Variants in KMT5B observed in about 807,000 individuals in gnomAD.
KMT5B encodes histone-lysine N-methyltransferase KMT5B.
A neutral mutation model predicts 83.2 loss-of-function variants in KMT5B; 10 were observed. That is an observed-to-expected ratio of 0.12 (90% CI 0.07 to 0.20). KMT5B has a LOEUF of 0.20. Ranked by LOEUF, KMT5B falls within the 10% of genes least tolerant of loss-of-function variation. KMT5B has a pLI of 1.00. For missense variants in KMT5B, 753 were observed against 1,067.2 expected (o/e 0.71, Z 4.10); for synonymous variants, 349 against 388.8 (o/e 0.90, Z 1.20).
intron 6 of KMT5B, among the ~76,000 whole-genome samples, chr11:68,172,312 A>T (rs1297759884): frequency 6.6e-6 from 1 of 152,096 alleles, no homozygotes; most frequent in Non-Finnish European, 1.5e-5. Context: ...AGCTCACTGC[A>T]ACCTCTGCCT....
In KMT5B at chr11:68,159,164, G is replaced by C; in HGVS notation, c.1182C>G (p.Asn394Lys). The C allele has an allele frequency of 6.4e-7, 1 of 1,566,146 alleles. No individual in the cohort carries two copies. Among genetic ancestry groups the C allele is most frequent in the Non-Finnish European group, 8.6e-7 (1 of 1,164,812 alleles). Residue 394 changes from asparagine (N) to lysine (K), a missense_variant, in exon 11 of 11, where the codon AAC (asparagine) becomes AAG (lysine). Around this residue, in one of 9 missense-constraint regions of KMT5B, gnomAD observed 397 missense variants for 395.9 expected, o/e 1.00. Transcript: ENST00000304363. ...TTTTTACGCCAACTGAAGATTTTCG[G>C]TTAGAAGCTGTAAGGTTAAAGAGAA... is the stretch of plus-strand genomic sequence containing the variant. ...TTQEKNNATS[N>K]RKSSVGVKKN...
chr11:68,209,689 A>T (rs1297040661), intron 1 of KMT5B, among the ~76,000 whole-genome samples: 1 of 152,192 alleles, frequency 6.6e-6, no homozygotes, highest in East Asian at 1.9e-4. Flanking sequence ...AGGAGGCTAA[A>T]GCTCAGAAAC....
chr11:68,188,480 G>A (rs1857678232), intron 2 of KMT5B, among the ~76,000 whole-genome samples: 1 of 151,710 alleles, frequency 6.6e-6, no homozygotes, highest in Non-Finnish European at 1.5e-5. Flanking sequence ...CAAAGTAGTT[G>A]GAACCATAGA....
At chr11:68,184,596 G>C (rs1262972388) in intron 3 of KMT5B, among the ~76,000 whole-genome samples, 3 of 152,126 alleles carry the variant, frequency 2.0e-5, no homozygotes, top group Admixed American at 6.5e-5. Flanking sequence ...ACCTACCTGG[G>C]TATCAAGTTC....
intron 9 of KMT5B, among the ~76,000 whole-genome samples, chr11:68,168,551 G>A (rs1448738294): frequency 6.6e-6 from 1 of 152,140 alleles, no homozygotes; most frequent in African/African-American, 2.4e-5. Context: ...GGCCAGGCTG[G>A]TCTCGAACTC....
chr11:68,180,956 A>G (rs1856859188), intron 3 of KMT5B, among the ~76,000 whole-genome samples: 1 of 152,196 alleles, frequency 6.6e-6, no homozygotes, highest in South Asian at 2.1e-4. Flanking sequence ...CTAAGTATTC[A>G]TGCTACAACT....
chr11:68,161,453 C>T (rs1010439721), intron 10 of KMT5B, among the ~76,000 whole-genome samples: 1 of 152,044 alleles, frequency 6.6e-6, no homozygotes, highest in Non-Finnish European at 1.5e-5. Context: ...CCTTTGATTT[C>T]TCCTCTTTCC....
At chr11:68,206,252 T>C (rs778401088) in intron 1 of KMT5B, among the ~76,000 whole-genome samples, 6 of 152,206 alleles carry the variant, frequency 3.9e-5, no homozygotes, top group Admixed American at 1.3e-4. Flanking sequence ...AAGGATGCTT[T>C]CTTTGTTACT....
rs1314030115 is a variant in KMT5B at position 68,169,858 on chromosome 11, TGAA to T, written c.977+1154_977+1156del. Reference sequence around the variant, plus strand: ...ACTGGTCCAAGATCTAACCAACATGTGAATAATTTTTATGTAGAAAAAGATAAA... The same window carrying T: ...ACTGGTCCAAGATCTAACCAACATGTTAATTTTTATGTAGAAAAAGATAAA... On this transcript the variant is annotated intron_variant, in intron 9 of 10. Coordinates refer to ENST00000304363, the MANE Select transcript of KMT5B (RefSeq NM_017635.5). Among the ~76,000 whole-genome samples the T allele has an allele frequency of 4.2e-3, 647 of 152,314 alleles. 7 individuals are homozygous for T. Among genetic ancestry groups the T allele is most frequent in the African/African-American group, 0.015 (609 of 41,554 alleles).
At chr11:68,181,186 T>C (rs568785849) in intron 3 of KMT5B, among the ~76,000 whole-genome samples, 1 of 152,134 alleles carries the variant, frequency 6.6e-6, no homozygotes, top group South Asian at 2.1e-4. Context: ...GTTATTCGCC[T>C]GCCTCAAACT....
At chr11:68,161,316 T>C (rs1343886807) in intron 10 of KMT5B, among the ~76,000 whole-genome samples, 1 of 152,188 alleles carries the variant, frequency 6.6e-6, no homozygotes, top group Admixed American at 6.5e-5. Context: ...ATAAAGACAC[T>C]AGTGAAGAAA....
chr11:68,173,962 C>G (rs1460421292), intron 5 of KMT5B, 49 bp from the exon 6 acceptor site: 2 of 1,251,096 alleles, frequency 1.6e-6, no homozygotes, highest in East Asian at 4.6e-5. Flanking sequence ...GTATACCCTG[C>G]TAGACTTTCT....
intron 1 of KMT5B, 86 bp downstream of exon 1, chr11:68,213,052 C>T (rs1327223499): frequency 7.8e-6 from 1 of 128,738 alleles, no homozygotes; most frequent in African/African-American, 2.8e-5. Context: ...CGGCCTGGGC[C>T]CGCGGTCCCC....
intron 10 of KMT5B, among the ~76,000 whole-genome samples, chr11:68,162,198 T>TTAAA (rs749322872): frequency 5.9e-5 from 9 of 152,150 alleles, no homozygotes; most frequent in Non-Finnish European, 1.2e-4. Context: ...CCTATTGTTT[T>TTAAA]CCCAACAATC....
At chr11:68,195,647 A>T (rs947968655) in intron 1 of KMT5B, among the ~76,000 whole-genome samples, 1 of 152,178 alleles carries the variant, frequency 6.6e-6, no homozygotes, top group African/African-American at 2.4e-5. Flanking sequence ...CAAGACTGTA[A>T]CTTTCCCTAA....
At chr11:68,178,144 A>G (rs1312205878) in intron 4 of KMT5B, among the ~76,000 whole-genome samples, 3 of 152,372 alleles carry the variant, frequency 2.0e-5, no homozygotes, top group Admixed American at 6.5e-5. Context: ...ACAGGGCTAC[A>G]AACGACAGAA....
intron 2 of KMT5B, 148 bp downstream of exon 2, chr11:68,189,769 A>C: frequency 1.5e-6 from 1 of 658,628 alleles, no homozygotes; most frequent in Non-Finnish European, 2.4e-6. Context: ...AAATTGACAC[A>C]ACTTTGAGAG....
In KMT5B at chr11:68,171,535, C is replaced by G. The variant is rs768021772; in HGVS notation, c.820+8G>C. 6.2e-7 allele frequency: 1 copy of G among 1,611,712 alleles called. No individual in the cohort carries two copies. Among genetic ancestry groups the G allele is most frequent in the South Asian group, 1.1e-5 (1 of 90,378 alleles). The stretch of plus-strand genomic sequence containing the variant: ...CACTAGCGCCAACACCTTGGAAACA[C>G]AGCTTACCATGGTTTATAAACGCAG... On this transcript the variant is annotated splice_region_variant and intron_variant, in intron 7 of 10. Transcript: ENST00000304363. This position sits in a 1 kb window ranked among gnomAD's most constrained non-coding sequence, Gnocchi z 5.1.
Position 68,156,280 on chromosome 11 carries a change from T to C in KMT5B, c.*1408A>G, listed in dbSNP as rs1440066969. 1.3e-5 allele frequency: 2 copies of C among 152,576 alleles called. No individual in the cohort carries two copies. Among genetic ancestry groups the C allele is most frequent in the Non-Finnish European group, 2.9e-5 (2 of 68,032 alleles). 9.5% of individuals were successfully genotyped at this position (152,576 alleles called of 1,614,324 possible). On this transcript the variant is annotated 3_prime_UTR_variant, in exon 11 of 11. Transcript: ENST00000304363. ...ACTGGTGTCAAACACCTGTTACAGA[T>C]TTATATTCCCAAATTCTCTGTCCAA...
Sources: gnomAD v4.1 joint callset for allele counts (sites outside exome capture counted in the v4.1 genomes callset) on GRCh38, gnomAD v4.1.1 for gene constraint, gnomAD v4.1.1 regional missense constraint, Gnocchi (gnomAD v3.1) non-coding constraint, MANE v1.5 for transcripts, NCBI Gene and HGNC (gene_info 2026-07-23, HGNC 2026-07-21) for gene names.